MCHR2: variants seen among roughly 807,000 people sequenced by gnomAD.
The protein encoded by MCHR2 is melanin-concentrating hormone receptor 2.
MCHR2 carries 15 observed loss-of-function variants against 24.8 expected under a neutral mutation model. The observed-to-expected ratio is 0.60, with a 90% confidence interval of 0.40 to 0.93. The LOEUF is 0.93. Among genes scored for constraint, MCHR2 ranks in the 40% least tolerant of loss-of-function variants. The probability of loss-of-function intolerance (pLI) is 0.00; values close to 1 mark genes in which losing one functional copy is unlikely to be tolerated. For synonymous variants in MCHR2, 151 were observed against 147.6 expected, an observed-to-expected ratio of 1.02 and a Z score of -0.17; for missense variants, 386 against 408.7, an observed-to-expected ratio of 0.94 and a Z score of 0.48.
chr6:99,951,023 C>G (rs1044644810), intron 2 of MCHR2, among the ~76,000 whole-genome samples: 1 of 152,110 alleles, frequency 6.6e-6, no homozygotes, highest in Non-Finnish European at 1.5e-5. Context: ...ATGTAGCCTT[C>G]ACTCCATGGT....
intron 1 of MCHR2, among the ~76,000 whole-genome samples, chr6:99,962,206 C>G (rs1373001229): frequency 6.6e-6 from 1 of 152,122 alleles, no homozygotes; most frequent in Non-Finnish European, 1.5e-5. Context: ...ACTGAGACAG[C>G]TACTAAGTGA....
chr6:99,954,776 C>A (rs963387762), intron 2 of MCHR2, among the ~76,000 whole-genome samples: 23 of 152,112 alleles, frequency 1.5e-4, no homozygotes, highest in Non-Finnish European at 1.0e-4. Flanking sequence ...CACAGATGTC[C>A]ACATGGGTGG....
intron 1 of MCHR2, among the ~76,000 whole-genome samples, chr6:99,960,580 T>C (rs1216706604): frequency 6.6e-6 from 1 of 152,104 alleles, no homozygotes; most frequent in Non-Finnish European, 1.5e-5. Flanking sequence ...GACTTCAAAC[T>C]ATACTACAAG....
At chr6:99,941,699 A>G (rs1774775000) in intron 4 of MCHR2, among the ~76,000 whole-genome samples, 1 of 152,196 alleles carries the variant, frequency 6.6e-6, no homozygotes, top group Admixed American at 6.5e-5. Context: ...GAGGGCTGTC[A>G]TCAGAACTTG....
In MCHR2 at chr6:99,923,795, C is replaced by A. The variant is rs565132324; in HGVS notation, c.708-2540G>T. On this transcript the variant is annotated intron_variant, in intron 5 of 5. Transcript: ENST00000281806. Reference sequence around the variant, plus strand: ...CACTTGGTCATGATGAATGAGATTTCTAATATATTATTGAATTTGGTTTGC... The same window carrying A: ...CACTTGGTCATGATGAATGAGATTTATAATATATTATTGAATTTGGTTTGC... 7.9e-5 allele frequency among the ~76,000 whole-genome samples: 12 copies of A among 152,086 alleles called. No homozygotes were observed. In the East Asian group the frequency reaches 1.9e-3, roughly 24 times the overall value.
At chr6:99,971,730 G>A (rs534515239) in intron 1 of MCHR2, among the ~76,000 whole-genome samples, 25 of 152,224 alleles carry the variant, frequency 1.6e-4, no homozygotes, top group African/African-American at 4.6e-4. Context: ...TTTGAGATAC[G>A]TCCCACCAAT....
At chr6:99,961,600 A>G (rs903562163) in intron 1 of MCHR2, among the ~76,000 whole-genome samples, 2 of 152,176 alleles carry the variant, frequency 1.3e-5, no homozygotes, top group Non-Finnish European at 2.9e-5. Flanking sequence ...GCAAACTATC[A>G]CAAGGATAGA....
At chr6:99,950,766 T>C (rs755395539) in intron 2 of MCHR2, among the ~76,000 whole-genome samples, 3 of 152,196 alleles carry the variant, frequency 2.0e-5, no homozygotes, top group Non-Finnish European at 4.4e-5. Flanking sequence ...TTTTACTTTA[T>C]TGTTTGCATT....
At chr6:99,940,168 T>C (rs1266955215) in intron 4 of MCHR2, among the ~76,000 whole-genome samples, 1 of 152,102 alleles carries the variant, frequency 6.6e-6, no homozygotes, top group African/African-American at 2.4e-5. Context: ...TTTCTTTGAA[T>C]AAGCTTTCTA....
At chr6:99,993,045 A>G (rs1274266687) in intron 1 of MCHR2, among the ~76,000 whole-genome samples, 1 of 152,190 alleles carries the variant, frequency 6.6e-6, no homozygotes, top group Admixed American at 6.5e-5. Flanking sequence ...GCTAAGTTCT[A>G]TGAAATTAGA....
intron 3 of MCHR2, among the ~76,000 whole-genome samples, chr6:99,944,717 G>C (rs1310863391): frequency 6.6e-6 from 1 of 152,110 alleles, no homozygotes; most frequent in Non-Finnish European, 1.5e-5. Flanking sequence ...GGAATTATAG[G>C]ATGAGGAAGT....
intron 5 of MCHR2, among the ~76,000 whole-genome samples, chr6:99,927,196 T>A (rs1435547991): frequency 6.6e-6 from 1 of 152,180 alleles, no homozygotes; most frequent in Non-Finnish European, 1.5e-5. Context: ...TTGATCTATA[T>A]CTCTGTTTTG....
At position 99,927,489 on chromosome 6, in the gene MCHR2, C is replaced by G. The variant is rs543758164; in HGVS notation, c.708-6234G>C. On this transcript the variant is annotated intron_variant, in intron 5 of 5. Transcript: ENST00000281806. ...ATGAGCATGGAATGTTCTTCCATTT[C>G]TTTGTATCCTCTTTTATTTCATTGG... 4.3e-4 allele frequency among the ~76,000 whole-genome samples: 65 copies of G among 152,162 alleles called. 1 individual carries two copies. The highest frequency in any genetic ancestry group is 1.5e-3 in the African/African-American group (63 of 41,514).
At position 99,920,881 on chromosome 6, in the gene MCHR2, CTGA is replaced by C; in HGVS notation, c.*56_*58del. ...AAACATATCGGTACACCTGCCCTTTCTGATAATACCAGTAAGATAGACAATCAT... is the reference window on the plus strand; with the variant it reads ...AAACATATCGGTACACCTGCCCTTTCTAATACCAGTAAGATAGACAATCAT... On this transcript the variant is annotated 3_prime_UTR_variant, in exon 6 of 6. Coordinates refer to ENST00000281806, the MANE Select transcript of MCHR2 (RefSeq NM_001040179.2). The C allele has an allele frequency of 6.5e-7, 1 of 1,534,564 alleles. No individual in the cohort carries two copies. Among genetic ancestry groups the C allele is most frequent in the Non-Finnish European group, 8.9e-7 (1 of 1,123,966 alleles).
chr6:99,930,338 A>G (rs1275133872), intron 5 of MCHR2, among the ~76,000 whole-genome samples: 1 of 151,974 alleles, frequency 6.6e-6, no homozygotes, highest in African/African-American at 2.4e-5. Context: ...CTTCTCAAGG[A>G]GTATCTTTGT....
intron 1 of MCHR2, among the ~76,000 whole-genome samples, chr6:99,971,622 C>A (rs954463297): frequency 6.6e-6 from 1 of 152,168 alleles, no homozygotes; most frequent in African/African-American, 2.4e-5. Context: ...TGAGAGAGGG[C>A]ATCCCTGTCT....
chr6:99,989,007 A>G (rs1202364787), intron 1 of MCHR2, among the ~76,000 whole-genome samples: 1 of 152,206 alleles, frequency 6.6e-6, no homozygotes, highest in Non-Finnish European at 1.5e-5. Context: ...ATTTACCCAC[A>G]TGCATGTACA....
chr6:99,926,292 C>T (rs1774356261), intron 5 of MCHR2, among the ~76,000 whole-genome samples: 2 of 152,060 alleles, frequency 1.3e-5, no homozygotes, highest in South Asian at 2.1e-4. Context: ...CCACAATAAA[C>T]ATACGTATGC....
chr6:99,941,572 C>T lies in MCHR2; in HGVS notation c.587+1377G>A, dbSNP rs549028650. ...GGAACTAATTAAGTCATGAGAGTCGCGCCTTCATGAATGGGAATAGTGTAC... is the reference window on the plus strand; with the variant it reads ...GGAACTAATTAAGTCATGAGAGTCGTGCCTTCATGAATGGGAATAGTGTAC... On this transcript the variant is annotated intron_variant, in intron 4 of 5. Coordinates refer to ENST00000281806, the MANE Select transcript of MCHR2 (RefSeq NM_001040179.2). Among the ~76,000 whole-genome samples the T allele has an allele frequency of 6.6e-5, 10 of 152,146 alleles. No homozygotes were observed. In the East Asian group the frequency reaches 1.2e-3, roughly 18 times the overall value.
Sources: gnomAD v4.1 joint callset for allele counts (sites outside exome capture counted in the v4.1 genomes callset) on GRCh38, gnomAD v4.1.1 for gene constraint, MANE v1.5 for transcripts, NCBI Gene and HGNC (gene_info 2026-07-23, HGNC 2026-07-21) for gene names.